HEPHL1: variants seen among roughly 807,000 people sequenced by gnomAD.
HEPHL1 encodes hephaestin like 1.
In HEPHL1, 123 loss-of-function variants were observed where a neutral mutation model predicts 122.0. The ratio of observed to expected loss-of-function variants is 1.01; its 90% CI spans 0.87 to 1.17. The LOEUF is 1.17. HEPHL1 is among the 50% of genes most tolerant of loss of function. The probability of loss-of-function intolerance (pLI) is 0.00; values close to 1 mark genes in which losing one functional copy is unlikely to be tolerated. For synonymous variants in HEPHL1, 527 were observed against 508.9 expected (o/e 1.04, Z -0.48); for missense variants, 1,452 against 1,430.5 (o/e 1.01, Z -0.24).
At chr11:94,088,206 T>C (rs1417326832) in intron 11 of HEPHL1, among the ~76,000 whole-genome samples, 1 of 152,240 alleles carries the variant, frequency 6.6e-6, no homozygotes. Flanking sequence ...TAGCATAATG[T>C]AGACCTATCA....
chr11:94,113,563 A>G lies in HEPHL1; in HGVS notation c.*1669A>G, dbSNP rs1383215168. 1 of 152,214 alleles carries G rather than the reference A, an allele frequency of 6.6e-6. No individual in the cohort carries two copies. The highest frequency in any genetic ancestry group is 2.4e-5 in the African/African-American group (1 of 41,448). 9.4% of individuals were successfully genotyped at this position (152,214 alleles called of 1,614,324 possible). A position where few individuals can be genotyped will look rare whatever the true frequency, so the allele number is the denominator to read the frequency against. On this transcript the variant is annotated 3_prime_UTR_variant, in exon 20 of 20. Coordinates refer to ENST00000315765, the MANE Select transcript of HEPHL1 (RefSeq NM_001098672.2). ...AATGTGATTTCATAGTACATGTTCTACAGTTTTCATACATGTGTAGGCTGC... is the reference window on the plus strand; with the variant it reads ...AATGTGATTTCATAGTACATGTTCTGCAGTTTTCATACATGTGTAGGCTGC...
chr11:94,092,555 G>T (rs1389457422), intron 12 of HEPHL1, among the ~76,000 whole-genome samples: 2 of 152,156 alleles, frequency 1.3e-5, no homozygotes, highest in African/African-American at 4.8e-5. Flanking sequence ...TTTTGCACTT[G>T]TGTGCTTTAT....
At chr11:94,075,101 C>A in intron 8 of HEPHL1, 73 bp from the exon 9 acceptor site, 1 of 1,323,574 alleles carries the variant, frequency 7.6e-7, no homozygotes, top group Non-Finnish European at 1.1e-6. Flanking sequence ...GCACCCAGGG[C>A]TGGAAGACCC....
chr11:94,053,843 A>T (rs890306574), intron 2 of HEPHL1, among the ~76,000 whole-genome samples: 23 of 152,180 alleles, frequency 1.5e-4, no homozygotes, highest in Admixed American at 1.0e-3. Context: ...ATCCTTTTCA[A>T]TGTATTGAAA....
At chr11:94,030,484 AC>A (rs1242576180) in intron 1 of HEPHL1, among the ~76,000 whole-genome samples, 2 of 152,082 alleles carry the variant, frequency 1.3e-5, no homozygotes, top group Non-Finnish European at 2.9e-5. Context: ...CTCTCACTTG[AC>A]CATTCCTAGG....
At chr11:94,104,449 A>G in intron 15 of HEPHL1, 79 bp from the exon 16 acceptor site, 2 of 979,696 alleles carry the variant, frequency 2.0e-6, no homozygotes, top group Non-Finnish European at 3.1e-6. Context: ...ATGACCCTAC[A>G]CTAGAATGGT....
chr11:94,061,482 T>G (rs1233520748), intron 2 of HEPHL1, among the ~76,000 whole-genome samples: 1 of 152,194 alleles, frequency 6.6e-6, no homozygotes, highest in African/African-American at 2.4e-5. Context: ...TATGATGTGA[T>G]GTCCTATGAG....
chr11:94,095,719 T>C lies in HEPHL1; in HGVS notation c.2434+2079T>C, dbSNP rs573472020. ...TTTGTTGAGCAGTGGTTTGTAGTTC[T>C]CCTTGAAGAGGTCCTTCACATCCCT... On this transcript the variant is annotated intron_variant, in intron 13 of 19. Transcript: ENST00000315765. Among the ~76,000 whole-genome samples the C allele has an allele frequency of 5.0e-3, 754 of 152,146 alleles. 7 individuals are homozygous for C. The highest frequency in any genetic ancestry group is 0.017 in the African/African-American group (690 of 41,550).
intron 1 of HEPHL1, among the ~76,000 whole-genome samples, chr11:94,039,066 C>G (rs1304287748): frequency 1.2e-5 from 1 of 81,748 alleles, no homozygotes; most frequent in Non-Finnish European, 2.5e-5. Context: ...GCAGGGGTTG[C>G]AATCCTAGTC....
chr11:94,038,725 A>C (rs1229270653), intron 1 of HEPHL1, among the ~76,000 whole-genome samples: 1 of 139,764 alleles, frequency 7.2e-6, no homozygotes, highest in Admixed American at 7.3e-5. Flanking sequence ...AGGAAGCGCT[A>C]AACATGGAAA....
intron 12 of HEPHL1, among the ~76,000 whole-genome samples, chr11:94,089,894 C>G (rs528732404): frequency 1.1e-4 from 17 of 152,078 alleles, no homozygotes. Context: ...CCCTCCTGGC[C>G]CAGTTCCTCT....
rs533182160 is a variant in HEPHL1 at position 94,089,115 on chromosome 11, A to G, written c.2294+147A>G. ...TTTTACTTATGTGCACAGATTAGGG[A>G]AGCTGCCCACCTCGGCCTCCGGAAG... On this transcript the variant is annotated intron_variant, in intron 12 of 19. Transcript: ENST00000315765. 8.6e-5 allele frequency: 66 copies of G among 765,726 alleles called. 2 individuals carry two copies. In the South Asian group the frequency reaches 1.1e-3, roughly 13 times the overall value. 47.4% of individuals were successfully genotyped at this position (765,726 alleles called of 1,614,324 possible).
At chr11:94,046,090 G>GTTTTTTTTTTT (rs1945833960) in intron 2 of HEPHL1, among the ~76,000 whole-genome samples, 173 bp downstream of exon 2, 5 of 6,980 alleles carry the variant, frequency 7.2e-4, no homozygotes, top group Admixed American at 4.5e-3. Context: ...TCCCTTTCTT[G>GTTTTTTTTTTT]CTTTTTTTTT....
At chr11:94,092,480 C>G (rs1946270453) in intron 12 of HEPHL1, among the ~76,000 whole-genome samples, 1 of 152,152 alleles carries the variant, frequency 6.6e-6, no homozygotes. Flanking sequence ...GTCTCTCTGC[C>G]TTCTTGTTTC....
chr11:94,065,433 A>C (rs978527996), intron 4 of HEPHL1, among the ~76,000 whole-genome samples: 1 of 152,230 alleles, frequency 6.6e-6, no homozygotes, highest in Non-Finnish European at 1.5e-5. Flanking sequence ...TCCTGAGAGA[A>C]GTCCCATAGC....
intron 1 of HEPHL1, among the ~76,000 whole-genome samples, chr11:94,039,327 A>T (rs1262051551): frequency 6.6e-6 from 1 of 151,976 alleles, no homozygotes; most frequent in South Asian, 2.1e-4. Flanking sequence ...CAGAAAGTCA[A>T]CAAGGATACC....
chr11:94,021,494 C>T lies in HEPHL1; in HGVS notation c.126C>T (p.Pro42=). The change falls in exon 1 of 20, where the codon CCC becomes CCT. Residue 42 remains proline (P), a synonymous_variant. Transcript: ENST00000315765. The part of the protein sequence containing the change: ...GIVEEYWNYV[P]QGKNVITGKS... ...TGGAAGAATACTGGAACTATGTACC[C>T]CAAGGGAAGAATGTTATTACTGGGA... The T allele has an allele frequency of 1.2e-6, 2 of 1,612,250 alleles. No homozygotes were observed. The highest frequency in any genetic ancestry group is 1.7e-6 in the Non-Finnish European group (2 of 1,179,034).
chr11:94,033,940 A>T (rs534056644), intron 1 of HEPHL1, among the ~76,000 whole-genome samples: 1 of 152,314 alleles, frequency 6.6e-6, no homozygotes, highest in East Asian at 1.9e-4. Context: ...GGAAAAGAGG[A>T]AGAGTGTGAG....
chr11:94,083,548 C>T (rs1946191126), intron 10 of HEPHL1, among the ~76,000 whole-genome samples: 1 of 152,202 alleles, frequency 6.6e-6, no homozygotes, highest in Non-Finnish European at 1.5e-5. Context: ...CAGGTGCTAA[C>T]CTGCTTGTTT....
Sources: allele counts gnomAD v4.1 joint callset (sites outside exome capture counted in the v4.1 genomes callset), GRCh38; gene constraint gnomAD v4.1.1; transcripts MANE v1.5; gene names NCBI Gene and HGNC (gene_info 2026-07-23, HGNC 2026-07-21).